The following ASB7 variants were observed in gnomAD, a reference collection of about 807,000 sequenced individuals.
ASB7 encodes ankyrin repeat and SOCS box protein 7.
In ASB7, 4 loss-of-function variants were observed where a neutral mutation model predicts 32.5. The observed-to-expected ratio is 0.12, with a 90% CI of 0.06 to 0.28. ASB7 has a LOEUF of 0.28. Ranked by LOEUF, ASB7 falls within the 10% of genes least tolerant of loss-of-function variation. The pLI, the probability that ASB7 is intolerant of heterozygous loss-of-function variation, is 1.00. For missense variants in ASB7, 181 were observed against 407.1 expected (o/e 0.44, Z 4.78); for synonymous variants, 172 against 155.6 (o/e 1.11, Z -0.78).
At chr15:100,625,684 C>T (rs993046261) in intron 4 of ASB7, among the ~76,000 whole-genome samples, 4 of 152,108 alleles carry the variant, frequency 2.6e-5, no homozygotes, top group Non-Finnish European at 5.9e-5. Context: ...TGTTTGAGGA[C>T]TTGACAAGCT....
intron 4 of ASB7, among the ~76,000 whole-genome samples, chr15:100,625,092 GA>G (rs2039827028): frequency 6.6e-6 from 1 of 152,310 alleles, no homozygotes; most frequent in Admixed American, 6.5e-5. Flanking sequence ...ACCAGAAGCA[GA>G]AGGTGATTTC....
intron 5 of ASB7, among the ~76,000 whole-genome samples, chr15:100,634,632 C>T (rs150723877): frequency 0.016 from 2,371 of 152,158 alleles, 47 homozygotes; most frequent in African/African-American, 0.043. Context: ...GGTGAAACCC[C>T]GTCTCTACTA....
At chr15:100,606,799 A>T (rs1250617252) in intron 2 of ASB7, among the ~76,000 whole-genome samples, 1 of 152,112 alleles carries the variant, frequency 6.6e-6, no homozygotes, top group Non-Finnish European at 1.5e-5. Flanking sequence ...TGAAGATCAT[A>T]CCCTCAGAGT....
intron 5 of ASB7, among the ~76,000 whole-genome samples, chr15:100,636,937 C>T (rs1597010372): frequency 6.6e-6 from 1 of 152,210 alleles, no homozygotes. Context: ...GCAGGTGAAA[C>T]TGCTGGCATG....
At chr15:100,604,346 C>A (rs1013783535) in intron 2 of ASB7, among the ~76,000 whole-genome samples, 1 of 151,958 alleles carries the variant, frequency 6.6e-6, no homozygotes, top group African/African-American at 2.4e-5. Context: ...GGTTTAATTC[C>A]AAAATTAGCC....
Position 100,651,097 on chromosome 15 carries a change from T to C in ASB7, c.*2635T>C, listed in dbSNP as rs1241531692. On this transcript the variant is annotated 3_prime_UTR_variant, in exon 6 of 6. Transcript: ENST00000332783. ...TTATTTAAGCCTATTACTAAACCTT[T>C]ATAAAAATATATTTGGCAAATACAC... is the stretch of plus-strand genomic sequence containing the variant. The C allele has an allele frequency of 2.6e-5, 4 of 152,208 alleles. No individual in the cohort carries two copies. The highest frequency in any genetic ancestry group is 5.9e-5 in the Non-Finnish European group (4 of 68,044). The allele number at this position is 152,208 out of a possible 1,614,324, so 9.4% of individuals were successfully genotyped here. A position where few individuals can be genotyped will look rare whatever the true frequency, so the allele number is the denominator to read the frequency against.
chr15:100,605,432 G>A (rs1442767482), intron 2 of ASB7, among the ~76,000 whole-genome samples: 1 of 152,154 alleles, frequency 6.6e-6, no homozygotes, highest in African/African-American at 2.4e-5. Context: ...TTGAAGATAT[G>A]CAATGATGCA....
chr15:100,633,969 A>G (rs1203865772), intron 5 of ASB7, among the ~76,000 whole-genome samples: 4 of 152,204 alleles, frequency 2.6e-5, no homozygotes, highest in African/African-American at 9.7e-5. Flanking sequence ...TCAGGTGAAG[A>G]GCAGAAGGTT....
intron 5 of ASB7, among the ~76,000 whole-genome samples, chr15:100,637,651 A>G (rs1395846237): frequency 2.0e-5 from 3 of 152,250 alleles, no homozygotes; most frequent in Non-Finnish European, 4.4e-5. Context: ...TTGGTTCCAG[A>G]TTTCATATTG....
At chr15:100,623,953 T>C (rs1223606389) in intron 4 of ASB7, among the ~76,000 whole-genome samples, 1 of 152,210 alleles carries the variant, frequency 6.6e-6, no homozygotes, top group Non-Finnish European at 1.5e-5. Context: ...GTGTCCATTG[T>C]GGTATATATA....
At chr15:100,610,488 C>A (rs1175715758) in intron 3 of ASB7, among the ~76,000 whole-genome samples, 2 of 133,564 alleles carry the variant, frequency 1.5e-5, no homozygotes, top group Non-Finnish European at 3.2e-5. Context: ...GAGCAAGACT[C>A]CGTCTCAAAA....
rs920440687 is a variant in ASB7 at position 100,630,127 on chromosome 15, G to T, written c.817+85G>T. ...TTAATGTGTTTTTGCAACTTAAGAT[G>T]ACTAGATATTAATCATTCCTATAAC... On this transcript the variant is annotated intron_variant, in intron 5 of 5. Transcript: ENST00000332783. 2.7e-5 allele frequency: 38 copies of T among 1,419,048 alleles called. 1 individual carries two copies. The highest frequency in any genetic ancestry group is 3.3e-5 in the Non-Finnish European group (36 of 1,082,056). 87.9% of individuals were successfully genotyped at this position (1,419,048 alleles called of 1,614,324 possible). A position where few individuals can be genotyped will look rare whatever the true frequency, so the allele number is the denominator to read the frequency against.
At chr15:100,632,918 C>G (rs981170148) in intron 5 of ASB7, among the ~76,000 whole-genome samples, 1 of 150,760 alleles carries the variant, frequency 6.6e-6, no homozygotes, top group Non-Finnish European at 1.5e-5. Flanking sequence ...CTGCTTGTGA[C>G]TTGTTAGTGC....
At chr15:100,603,156 G>T in intron 1 of ASB7, 59 bp from the exon 2 acceptor site, 1 of 391,166 alleles carries the variant, frequency 2.6e-6, no homozygotes. Context: ...CCCCTTTCCT[G>T]AGCTCCCCCC....
chr15:100,604,313 A>T (rs1004547486), intron 2 of ASB7, among the ~76,000 whole-genome samples: 1 of 152,144 alleles, frequency 6.6e-6, no homozygotes, highest in Non-Finnish European at 1.5e-5. Context: ...TAAAGGGGGG[A>T]TATAAGCATG....
At chr15:100,604,951 T>C (rs2039629767) in intron 2 of ASB7, among the ~76,000 whole-genome samples, 1 of 152,214 alleles carries the variant, frequency 6.6e-6, no homozygotes, top group Admixed American at 6.5e-5. Context: ...CAGTTAAATA[T>C]TTTTTCAGCT....
intron 4 of ASB7, among the ~76,000 whole-genome samples, chr15:100,620,529 AGC>A (rs2039781934): frequency 1.2e-5 from 1 of 81,516 alleles, no homozygotes; most frequent in South Asian, 5.6e-4. Flanking sequence ...TGCATATAAT[AGC>A]ACATCTGTAC....
chr15:100,629,307 T>C lies in ASB7; in HGVS notation c.212-130T>C. 3.7e-6 allele frequency: 3 copies of C among 808,024 alleles called. No individual in the cohort carries two copies. In the East Asian group the frequency reaches 7.6e-5, roughly 20 times the overall value. The allele number at this position is 808,024 out of a possible 1,614,324, so 50.1% of individuals were successfully genotyped here. A position where few individuals can be genotyped will look rare whatever the true frequency, so the allele number is the denominator to read the frequency against. ...TGAATTAAACTGAGGAAAAACGTAC[T>C]TGATATTCATTACAGTGTTTGGTTG... On this transcript the variant is annotated intron_variant, in intron 4 of 5. Transcript: ENST00000332783. The surrounding 1 kb of genome is among the most constrained non-coding windows in gnomAD (Gnocchi z 6.8).
Position 100,614,165 on chromosome 15 carries a change from T to C in ASB7, c.211+1738T>C, listed in dbSNP as rs1280537583. ...GCCAGGTGCCTATGATCCCAGCTAC[T>C]TGGGAGACTGAGGCAGGAGAATCAC... On this transcript the variant is annotated intron_variant, in intron 4 of 5. Coordinates refer to ENST00000332783, the MANE Select transcript of ASB7 (RefSeq NM_198243.3). 2.6e-5 allele frequency among the ~76,000 whole-genome samples: 4 copies of C among 151,920 alleles called. No individual in the cohort carries two copies. In the East Asian group the frequency reaches 7.7e-4, roughly 29 times the overall value.
Sources: allele counts gnomAD v4.1 joint callset (sites outside exome capture counted in the v4.1 genomes callset), GRCh38; gene constraint gnomAD v4.1.1; non-coding constraint Gnocchi (gnomAD v3.1); transcripts MANE v1.5; gene names NCBI Gene and HGNC (gene_info 2026-07-23, HGNC 2026-07-21).